EMX2: variants seen among roughly 807,000 people sequenced by gnomAD.
The protein encoded by EMX2 is empty spiracles homeobox 2.
In EMX2, 6 loss-of-function variants were observed where a neutral mutation model predicts 23.0. That is an observed-to-expected ratio of 0.26 (90% CI 0.14 to 0.52). EMX2 has a LOEUF of 0.52. EMX2 is among the 20% of genes least tolerant of loss of function. The pLI, the probability that EMX2 is intolerant of heterozygous loss-of-function variation, is 0.97. For missense variants in EMX2, 302 were observed against 341.4 expected, an observed-to-expected ratio of 0.88 and a Z score of 0.91; for synonymous variants, 175 against 153.3, an observed-to-expected ratio of 1.14 and a Z score of -1.04.
In EMX2 at chr10:117,548,235, A is replaced by G. The variant is rs1846607993; in HGVS notation, c.*3A>G. On this transcript the variant is annotated 3_prime_UTR_variant, in exon 3 of 3. Coordinates refer to ENST00000553456, the MANE Select transcript of EMX2 (RefSeq NM_004098.4). The stretch of plus-strand genomic sequence containing the variant: ...TAGACGTGACCTCAGATGATTAAAA[A>G]CATAAACCTAACCCCACAGAAACGG... 1.2e-6 allele frequency: 2 copies of G among 1,613,582 alleles called. No homozygotes were observed.
rs1846518173 is a variant in EMX2 at position 117,543,200 on chromosome 10, G to T, written c.-68G>T. 1.0e-5 allele frequency: 12 copies of T among 1,184,984 alleles called. No individual in the cohort carries two copies. Among genetic ancestry groups the T allele is most frequent in the Non-Finnish European group, 1.3e-5 (12 of 945,740 alleles). 73.4% of individuals were successfully genotyped at this position (1,184,984 alleles called of 1,614,324 possible). ...TCGTCCGTCCTCGCCGCGGGCAGCG[G>T]GCGGCGGAGGCAGCGTGCGGCGGTC... On this transcript the variant is annotated 5_prime_UTR_variant, in exon 1 of 3. Coordinates refer to ENST00000553456, the MANE Select transcript of EMX2 (RefSeq NM_004098.4).
At position 117,548,558 on chromosome 10, in the gene EMX2, G is replaced by A. The variant is rs1589650501; in HGVS notation, c.*326G>A. 1.9e-6 allele frequency: 1 copy of A among 525,716 alleles called. No individual in the cohort carries two copies. Among genetic ancestry groups the A allele is most frequent in the Admixed American group, 3.7e-5 (1 of 26,922 alleles). 32.6% of individuals were successfully genotyped at this position (525,716 alleles called of 1,614,324 possible). ...AGAGAAAGAGAGAGAAAGAGAGAGA[G>A]AGAGAGAGAGAGAGAAAGCTGAACG... On this transcript the variant is annotated 3_prime_UTR_variant, in exon 3 of 3. Coordinates refer to ENST00000553456, the MANE Select transcript of EMX2 (RefSeq NM_004098.4).
At chr10:117,545,429 G>T (rs992592485) in intron 1 of EMX2, among the ~76,000 whole-genome samples, 1 of 152,184 alleles carries the variant, frequency 6.6e-6, no homozygotes, top group African/African-American at 2.4e-5. Context: ...TGCCGCACCG[G>T]TGGAGACCCG....
rs561630351 is a variant in EMX2 at position 117,545,597 on chromosome 10, C to A, written c.407-35C>A. The A allele has an allele frequency of 4.8e-5, 78 of 1,612,326 alleles. 1 individual carries two copies. The highest frequency in any genetic ancestry group is 3.5e-4 in the Admixed American group (21 of 59,978). ...AGTGCGCGGCTCCGGTCAGAGCAGC[C>A]CCCCCTAATGGGATTTCTGCTGTGC... On this transcript the variant is annotated intron_variant, in intron 1 of 2. Coordinates refer to ENST00000553456, the MANE Select transcript of EMX2 (RefSeq NM_004098.4).
intron 2 of EMX2, among the ~76,000 whole-genome samples, 171 bp downstream of exon 2, chr10:117,545,987 G>C (rs1235964743): frequency 6.6e-6 from 1 of 152,206 alleles, no homozygotes; most frequent in East Asian, 1.9e-4. Context: ...TGGCTTTGTT[G>C]GGCTCCAGAA....
At chr10:117,543,785 C>G (rs1186002608) in intron 1 of EMX2, 112 bp downstream of exon 1, 2 of 1,516,732 alleles carry the variant, frequency 1.3e-6, no homozygotes, top group East Asian at 2.3e-5. Context: ...TCCTCCGGCT[C>G]GCGGGCCAGC....
chr10:117,543,490 G>T lies in EMX2; in HGVS notation c.223G>T (p.Val75Phe), dbSNP rs951355872. 5.6e-6 allele frequency: 9 copies of T among 1,609,688 alleles called. No homozygotes were observed. Among genetic ancestry groups the T allele is most frequent in the Non-Finnish European group, 6.8e-6 (8 of 1,178,526 alleles). ...CCCGGACTTGGTGTTCGCCGAGGCG[G>T]TCTCGCACCCGCCCAACCCCGCCGT... is the stretch of plus-strand genomic sequence containing the variant. ...SNPDLVFAEA[V>F]SHPPNPAVPV... The change falls in exon 1 of 3, where the codon GTC (valine) becomes TTC (phenylalanine). Residue 75 changes from valine (V) to phenylalanine (F), a missense_variant. Val to Phe is a conservative substitution (Grantham distance 50). Around this residue, in one of 4 missense-constraint regions of EMX2, gnomAD observed 221 missense variants for 206.8 expected, o/e 1.07. Coordinates refer to ENST00000553456, the MANE Select transcript of EMX2 (RefSeq NM_004098.4).
In EMX2 at chr10:117,543,705, C is replaced by T. The variant is rs555087239; in HGVS notation, c.406+32C>T. Reference sequence around the variant, plus strand: ...GCCACGTCGCGGAACTGCAGCGCGCCGCTCCCGCCGCATCCTTCACTGCCC... The same window carrying T: ...GCCACGTCGCGGAACTGCAGCGCGCTGCTCCCGCCGCATCCTTCACTGCCC... On this transcript the variant is annotated intron_variant, in intron 1 of 2. Coordinates refer to ENST00000553456, the MANE Select transcript of EMX2 (RefSeq NM_004098.4). 12 of 1,596,850 alleles carry T rather than the reference C, an allele frequency of 7.5e-6. No homozygotes were observed. In the Admixed American group the frequency reaches 1.2e-4, roughly 16 times the overall value.
intron 1 of EMX2, among the ~76,000 whole-genome samples, chr10:117,543,877 G>A (rs1166652180): frequency 6.6e-6 from 1 of 152,230 alleles, no homozygotes; most frequent in Non-Finnish European, 1.5e-5. Context: ...GGTTTGGAGT[G>A]ATGGCCTGCG....
Position 117,543,043 on chromosome 10 carries a change from G to A in EMX2, c.-225G>A. ...TTCAGGTTGGGCGCGTTTGGTGCAA[G>A]ATTCTCGGGATCCTCGGCTTTGCCT... On this transcript the variant is annotated 5_prime_UTR_variant, in exon 1 of 3. Transcript: ENST00000553456. 1.9e-6 allele frequency: 1 copy of A among 523,614 alleles called. No individual in the cohort carries two copies. Among genetic ancestry groups the A allele is most frequent in the Non-Finnish European group, 3.2e-6 (1 of 311,396 alleles). The allele number at this position is 523,614 out of a possible 1,614,324, so 32.4% of individuals were successfully genotyped here. A position where few individuals can be genotyped will look rare whatever the true frequency, so the allele number is the denominator to read the frequency against.
At chr10:117,547,248 G>T (rs1846591012) in intron 2 of EMX2, among the ~76,000 whole-genome samples, 1 of 152,222 alleles carries the variant, frequency 6.6e-6, no homozygotes, top group African/African-American at 2.4e-5. Context: ...GGGGTCCGAG[G>T]TTGTGTGACC....
Position 117,548,373 on chromosome 10 carries a change from C to A in EMX2, c.*141C>A. ...AGGGAGAGGGAATCGGAGGGAGCAG[C>A]GGAATGCGGCGAAGACTCTGGACAG... On this transcript the variant is annotated 3_prime_UTR_variant, in exon 3 of 3. Transcript: ENST00000553456. 1.5e-6 allele frequency: 2 copies of A among 1,316,278 alleles called. No homozygotes were observed. Among genetic ancestry groups the A allele is most frequent in the East Asian group, 2.5e-5 (1 of 39,878 alleles). The allele number at this position is 1,316,278 out of a possible 1,614,324, so 81.5% of individuals were successfully genotyped here. A position where few individuals can be genotyped will look rare whatever the true frequency, so the allele number is the denominator to read the frequency against.
intron 1 of EMX2, chr10:117,545,326 G>C: frequency 3.2e-6 from 1 of 312,130 alleles, no homozygotes; most frequent in Non-Finnish European, 5.9e-6. Context: ...GCCCGGCGAG[G>C]AGGTGGCGAG....
In EMX2 at chr10:117,549,144, T is replaced by G. The variant is rs1468105684; in HGVS notation, c.*912T>G. 1 of 153,090 alleles carries G rather than the reference T, an allele frequency of 6.5e-6. No individual in the cohort carries two copies. The highest frequency in any genetic ancestry group is 1.5e-5 in the Non-Finnish European group (1 of 68,644). The allele number at this position is 153,090 out of a possible 1,614,324, so 9.5% of individuals were successfully genotyped here. A position where few individuals can be genotyped will look rare whatever the true frequency, so the allele number is the denominator to read the frequency against. On this transcript the variant is annotated 3_prime_UTR_variant, in exon 3 of 3. Transcript: ENST00000553456. ...CTGGGAAAAAAACCCCTAAATTAAT[T>G]ATATTTCTTGGACATTCCCTTTCCT...
Position 117,548,943 on chromosome 10 carries a change from C to A in EMX2, c.*711C>A. 3.3e-6 allele frequency: 1 copy of A among 300,086 alleles called. No individual in the cohort carries two copies. The highest frequency in any genetic ancestry group is 5.1e-5 in the Admixed American group (1 of 19,626). 18.6% of individuals were successfully genotyped at this position (300,086 alleles called of 1,614,324 possible). On this transcript the variant is annotated 3_prime_UTR_variant, in exon 3 of 3. Coordinates refer to ENST00000553456, the MANE Select transcript of EMX2 (RefSeq NM_004098.4). The stretch of plus-strand genomic sequence containing the variant: ...TGCTTTTTATTTTGATTTTTTTTCC[C>A]AAGAAATGTGCAGTCTGTAAACACT...
Position 117,548,560 on chromosome 10 carries a change from GAGA to G in EMX2, c.*329_*331del. The G allele has an allele frequency of 1.9e-6, 1 of 524,196 alleles. No homozygotes were observed. Among genetic ancestry groups the G allele is most frequent in the Non-Finnish European group, 3.3e-6 (1 of 300,124 alleles). 32.5% of individuals were successfully genotyped at this position (524,196 alleles called of 1,614,324 possible). A position where few individuals can be genotyped will look rare whatever the true frequency, so the allele number is the denominator to read the frequency against. On this transcript the variant is annotated 3_prime_UTR_variant, in exon 3 of 3. Coordinates refer to ENST00000553456, the MANE Select transcript of EMX2 (RefSeq NM_004098.4). ...AGAAAGAGAGAGAAAGAGAGAGAGA[GAGA>G]GAGAGAGAGAAAGCTGAACGTGCAC... is the stretch of plus-strand genomic sequence containing the variant.
chr10:117,545,501 C>A (rs1846564101), intron 1 of EMX2, 131 bp from the exon 2 acceptor site: 12 of 1,117,806 alleles, frequency 1.1e-5, no homozygotes, highest in Non-Finnish European at 1.4e-5. Context: ...GGACCACCGG[C>A]CCCCGCAGGT....
rs1846620932 is a variant in EMX2, at chr10:117,549,000, G to A, written c.*768G>A. On this transcript the variant is annotated 3_prime_UTR_variant, in exon 3 of 3. Coordinates refer to ENST00000553456, the MANE Select transcript of EMX2 (RefSeq NM_004098.4). ...TACCTTCTGATGTCAAAGTGATTGT[G>A]CAAGCTAAATGAAGTAGGCTCAGCG... 6.8e-6 allele frequency: 1 copy of A among 147,758 alleles called. No individual in the cohort carries two copies. The highest frequency in any genetic ancestry group is 2.6e-5 in the African/African-American group (1 of 38,054). 9.2% of individuals were successfully genotyped at this position (147,758 alleles called of 1,614,324 possible). A position where few individuals can be genotyped will look rare whatever the true frequency, so the allele number is the denominator to read the frequency against.
In EMX2 at chr10:117,548,299, G is replaced by A; in HGVS notation, c.*67G>A. The A allele has an allele frequency of 6.3e-7, 1 of 1,580,848 alleles. No individual in the cohort carries two copies. Among genetic ancestry groups the A allele is most frequent in the Admixed American group, 1.8e-5 (1 of 54,562 alleles). ...AAAGAGACAGGGAGAGGTGGAGAAG[G>A]AAAAAACCCTACAAAACAAAAACAA... On this transcript the variant is annotated 3_prime_UTR_variant, in exon 3 of 3. Coordinates refer to ENST00000553456, the MANE Select transcript of EMX2 (RefSeq NM_004098.4).
Sources: gnomAD v4.1 joint callset for allele counts (sites outside exome capture counted in the v4.1 genomes callset) on GRCh38, gnomAD v4.1.1 for gene constraint, gnomAD v4.1.1 regional missense constraint, MANE v1.5 for transcripts, NCBI Gene and HGNC (gene_info 2026-07-23, HGNC 2026-07-21) for gene names.